The following ITGB7 variants were observed in gnomAD, a reference collection of about 807,000 sequenced individuals.
The protein encoded by ITGB7 is integrin subunit beta 7.
A neutral mutation model predicts 83.4 loss-of-function variants in ITGB7; 55 were observed. The observed-to-expected ratio is 0.66, with a 90% CI of 0.53 to 0.83. The LOEUF is 0.83. Among genes scored for constraint, ITGB7 ranks in the 40% least tolerant of loss-of-function variants. The pLI, the probability that ITGB7 is intolerant of heterozygous loss-of-function variation, is 0.00. For synonymous variants in ITGB7, 454 were observed against 423.6 expected (o/e 1.07, Z -0.88); for missense variants, 921 against 1,046.7 (o/e 0.88, Z 1.66).
Position 53,193,224 on chromosome 12 carries a change from AGC to A in ITGB7, c.1640_1641del (p.Arg547LeufsTer15). 3 of 1,614,154 alleles carry A rather than the reference AGC, an allele frequency of 1.9e-6. No individual in the cohort carries two copies. The highest frequency in any genetic ancestry group is 2.5e-6 in the Non-Finnish European group (3 of 1,180,014). On this transcript the variant is annotated frameshift_variant, in exon 12 of 16. Coordinates refer to ENST00000267082, the MANE Select transcript of ITGB7 (RefSeq NM_000889.3). LOFTEE classifies it high-confidence loss of function. ...CCAGAGCTCTGTCCACTGCAGCTGC[AGC>A]GTCCACATTGACAGTGACCCTTTCC... ...CSGKGHCQCG[R>X]CSCSGQSSGH...
At chr12:53,206,474 T>C (rs940055684) in intron 1 of ITGB7, among the ~76,000 whole-genome samples, 8 of 152,128 alleles carry the variant, frequency 5.3e-5, no homozygotes, top group Non-Finnish European at 8.8e-5. Context: ...CCATCAAAAG[T>C]TGTGTTCTCT....
At chr12:53,199,704 G>A (rs1392967875) in intron 3 of ITGB7, among the ~76,000 whole-genome samples, 1 of 139,888 alleles carries the variant, frequency 7.1e-6, no homozygotes, top group African/African-American at 2.6e-5. Flanking sequence ...TCCCCACTAT[G>A]TGAGGACACA....
At chr12:53,197,375 G>A (rs1212167857) in intron 5 of ITGB7, 118 bp downstream of exon 5, 1 of 1,145,226 alleles carries the variant, frequency 8.7e-7, no homozygotes, top group African/African-American at 1.5e-5. Context: ...GCCTGGCTAG[G>A]CCTGTCAACA....
chr12:53,203,464 A>G (rs1360534540), intron 1 of ITGB7, among the ~76,000 whole-genome samples: 1 of 151,974 alleles, frequency 6.6e-6, no homozygotes, highest in Non-Finnish European at 1.5e-5. Context: ...CCTGGGCAAC[A>G]TGGTGAAACC....
Position 53,196,620 on chromosome 12 carries a change from C to G in ITGB7, c.775G>C (p.Glu259Gln), listed in dbSNP as rs1199526567. The change falls in exon 6 of 16, where the codon GAA becomes CAA. Residue 259 changes from glutamate to glutamine, a missense_variant. Glu to Gln is a conservative substitution (Grantham distance 29). Coordinates refer to ENST00000267082, the MANE Select transcript of ITGB7 (RefSeq NM_000889.3). Reference protein sequence around the residue: ...QSVSGNLDSPEGGFDAILQAA... With the variant: ...QSVSGNLDSPQGGFDAILQAA... ...TGCAGAATGGCATCGAAGCCACCTT[C>G]AGGCGAGTCCAGATTGCCGGACACA... 6.2e-7 allele frequency: 1 copy of G among 1,613,398 alleles called. No homozygotes were observed. The highest frequency in any genetic ancestry group is 8.5e-7 in the Non-Finnish European group (1 of 1,179,670).
intron 1 of ITGB7, among the ~76,000 whole-genome samples, chr12:53,205,480 C>T (rs1292935656): frequency 6.6e-6 from 1 of 152,160 alleles, no homozygotes; most frequent in African/African-American, 2.4e-5. Context: ...TGAGCCATCA[C>T]CCCCAGCCAA....
chr12:53,206,174 C>T (rs916636948), intron 1 of ITGB7, among the ~76,000 whole-genome samples: 1 of 152,176 alleles, frequency 6.6e-6, no homozygotes, highest in African/African-American at 2.4e-5. Flanking sequence ...ACCTATTTCT[C>T]TGTCTGCTTC....
chr12:53,200,151 C>T, intron 3 of ITGB7, 92 bp downstream of exon 3: 1 of 1,113,486 alleles, frequency 9.0e-7, no homozygotes, highest in Non-Finnish European at 1.3e-6. Context: ...TACATGTGCC[C>T]ACACAATCAC....
chr12:53,196,259 C>A (rs1942157093), intron 6 of ITGB7, 60 bp from the exon 7 acceptor site: 2 of 1,577,668 alleles, frequency 1.3e-6, no homozygotes, highest in Middle Eastern at 1.7e-4. Context: ...GCCACCCCAG[C>A]CAGCTCTGTG....
In ITGB7 at chr12:53,205,229, G is replaced by A. The variant is rs548767582; in HGVS notation, c.-127+1973C>T. Among the ~76,000 whole-genome samples the A allele has an allele frequency of 4.0e-4, 61 of 152,080 alleles. No individual in the cohort carries two copies. The South Asian group carries it at 0.011, about 29-fold the overall frequency. On this transcript the variant is annotated intron_variant, in intron 1 of 15. Coordinates refer to ENST00000267082, the MANE Select transcript of ITGB7 (RefSeq NM_000889.3). ...GAGATAGGGTCTTGCTCTGTCACCC[G>A]GCTGTAGTGTACTGGTGCAATCATG...
At chr12:53,203,204 G>A (rs1302947410) in intron 1 of ITGB7, among the ~76,000 whole-genome samples, 1 of 152,052 alleles carries the variant, frequency 6.6e-6, no homozygotes, top group East Asian at 1.9e-4. Flanking sequence ...AATATATAAC[G>A]AACTCTTACA....
rs1390262848 is a variant in ITGB7 at position 53,197,834 on chromosome 12, G to A, written c.319C>T (p.Gln107Ter). The change falls in exon 4 of 16, where the codon CAG becomes TAG. Residue 107 changes from glutamine to a stop codon, truncating the protein, a stop_gained. Transcript: ENST00000267082. LOFTEE classifies it high-confidence loss of function. Reference protein sequence around the residue: ...EEPRGQQEVLQDQPLSQGARG... With the variant: ...EEPRGQQEVL ...GCGCCCTGGCTGAGCGGCTGGTCCT[G>A]CAGCACCTCCTGCTGGCCGCGGGGC... 6.5e-7 allele frequency: 1 copy of A among 1,534,092 alleles called. No individual in the cohort carries two copies. The highest frequency in any genetic ancestry group is 2.0e-5 in the Admixed American group (1 of 51,076).
At chr12:53,195,941 G>A in intron 7 of ITGB7, 100 bp downstream of exon 7, 2 of 1,369,372 alleles carry the variant, frequency 1.5e-6, no homozygotes, top group South Asian at 1.3e-5. Flanking sequence ...GGTGTCTACA[G>A]GGTGGTTACT....
At position 53,200,454 on chromosome 12, in the gene ITGB7, A is replaced by G. The variant is rs1199254058; in HGVS notation, c.-3-8T>C. The G allele has an allele frequency of 3.1e-6, 5 of 1,612,524 alleles. No individual in the cohort carries two copies. In the African/African-American group the frequency reaches 5.3e-5, roughly 17 times the overall value. On this transcript the variant is annotated splice_polypyrimidine_tract_variant and splice_region_variant and intron_variant, in intron 2 of 15. Coordinates refer to ENST00000267082, the MANE Select transcript of ITGB7 (RefSeq NM_000889.3). ...TGGCAAAGCCACCATGCCCTGTAAT[A>G]GGATATAAAGGGGGACATGTGGGTC...
Position 53,191,353 on chromosome 12 carries a change from T to G in ITGB7, c.*203A>C, listed in dbSNP as rs1592392957. On this transcript the variant is annotated 3_prime_UTR_variant, in exon 16 of 16. Coordinates refer to ENST00000267082, the MANE Select transcript of ITGB7 (RefSeq NM_000889.3). ...GGTAAGACTTTATTGTATACTTGGG[T>G]GGGGTAGCCCAGATGGATGCAAGGT... 1 of 590,790 alleles carries G rather than the reference T, an allele frequency of 1.7e-6. No individual in the cohort carries two copies. The highest frequency in any genetic ancestry group is 3.0e-6 in the Non-Finnish European group (1 of 329,070). The allele number at this position is 590,790 out of a possible 1,614,324, so 36.6% of individuals were successfully genotyped here.
intron 12 of ITGB7, 42 bp downstream of exon 12, chr12:53,193,098 A>G: frequency 6.5e-7 from 1 of 1,546,414 alleles, no homozygotes; most frequent in Middle Eastern, 1.8e-4. Flanking sequence ...TGCCTTGGGA[A>G]GGCCTCTCAG....
At chr12:53,204,380 C>CAA (rs1162922421) in intron 1 of ITGB7, among the ~76,000 whole-genome samples, 7 of 89,448 alleles carry the variant, frequency 7.8e-5, no homozygotes, top group Admixed American at 1.2e-4. Context: ...AACTCGGTCT[C>CAA]AAAAAAAAAA....
rs149623424 is a variant in ITGB7 at position 53,191,908 on chromosome 12, C to T, written c.2267G>A (p.Arg756Gln). Reference protein sequence around the residue: ...YRLSVEIYDRREYSRFEKEQQ... With the variant: ...YRLSVEIYDRQEYSRFEKEQQ... ...CTCCTTCTCAAAGCGACTGTATTCC[C>T]GGCGGTCATAGATTTCCACCGAGAG... Residue 756 changes from arginine (R) to glutamine (Q), a missense_variant, in exon 15 of 16, where the codon CGG becomes CAG. Coordinates refer to ENST00000267082, the MANE Select transcript of ITGB7 (RefSeq NM_000889.3). The T allele has an allele frequency of 1.1e-5, 18 of 1,611,486 alleles. No individual in the cohort carries two copies. Among genetic ancestry groups the T allele is most frequent in the African/African-American group, 5.4e-5 (4 of 74,638 alleles).
At chr12:53,204,430 T>C (rs1055572364) in intron 1 of ITGB7, among the ~76,000 whole-genome samples, 2 of 149,952 alleles carry the variant, frequency 1.3e-5, no homozygotes, top group African/African-American at 2.5e-5. Context: ...ACAACATGGA[T>C]GAACCTTGAA....
Sources: allele counts gnomAD v4.1 joint callset (sites outside exome capture counted in the v4.1 genomes callset), GRCh38; gene constraint gnomAD v4.1.1; transcripts MANE v1.5; gene names NCBI Gene and HGNC (gene_info 2026-07-23, HGNC 2026-07-21).